The following CLASP1 variants were observed in gnomAD, a reference collection of about 807,000 sequenced individuals.
CLASP1 encodes cytoplasmic linker associated protein 1.
CLASP1 carries 38 observed loss-of-function variants against 192.3 expected under a neutral mutation model. That is an observed-to-expected ratio of 0.20 (90% CI 0.15 to 0.26). CLASP1 has a LOEUF of 0.26. Among genes scored for constraint, CLASP1 ranks in the 10% least tolerant of loss-of-function variants. The pLI, the probability that CLASP1 is intolerant of heterozygous loss-of-function variation, is 1.00. For missense variants in CLASP1, 1,433 were observed against 1,932.5 expected (o/e 0.74, Z 4.85); for synonymous variants, 691 against 712.8 (o/e 0.97, Z 0.49).
chr2:121,421,309 G>A (rs2079462783), intron 22 of CLASP1, among the ~76,000 whole-genome samples: 1 of 152,168 alleles, frequency 6.6e-6, no homozygotes, highest in Non-Finnish European at 1.5e-5. Flanking sequence ...GGGCTGGAGA[G>A]CAATGGTGTG....
intron 1 of CLASP1, among the ~76,000 whole-genome samples, chr2:121,631,636 C>G (rs1423267140): frequency 6.6e-6 from 1 of 151,932 alleles, no homozygotes; most frequent in Non-Finnish European, 1.5e-5. Context: ...GCAGGCCAGG[C>G]ACAGTGGCTC....
chr2:121,527,917 A>C, intron 4 of CLASP1, 27 bp from the exon 5 acceptor site: 1 of 1,579,810 alleles, frequency 6.3e-7, no homozygotes, highest in Non-Finnish European at 8.7e-7. Context: ...ACAGGTGAGG[A>C]AAGGAGAAGA....
At chr2:121,551,982 T>C (rs2058088079) in intron 2 of CLASP1, among the ~76,000 whole-genome samples, 1 of 152,062 alleles carries the variant, frequency 6.6e-6, no homozygotes, top group Non-Finnish European at 1.5e-5. Flanking sequence ...ATGCTACTCA[T>C]ACAAAAACAG....
chr2:121,605,664 A>T (rs1182229157), intron 2 of CLASP1, 37 bp downstream of exon 2: 2 of 1,558,454 alleles, frequency 1.3e-6, no homozygotes, highest in South Asian at 1.1e-5. Flanking sequence ...AGTGCAGCCC[A>T]GCCACCTCCA....
intron 27 of CLASP1, 74 bp downstream of exon 28, chr2:121,401,794 G>T: frequency 1.2e-6 from 1 of 825,494 alleles, no homozygotes. Flanking sequence ...GGTTAACACT[G>T]TTAACAACTG....
At chr2:121,433,325 GAA>G (rs1312953084) in intron 19 of CLASP1, among the ~76,000 whole-genome samples, 5 of 93,664 alleles carry the variant, frequency 5.3e-5, no homozygotes, top group Admixed American at 1.1e-4. Flanking sequence ...GTCTAAAAAA[GAA>G]AAAAAAAAAA....
chr2:121,533,918 ATCT>A (rs2094967139), intron 2 of CLASP1, among the ~76,000 whole-genome samples: 1 of 152,220 alleles, frequency 6.6e-6, no homozygotes, highest in Admixed American at 6.5e-5. Context: ...GGTCCAACAC[ATCT>A]TCTTTATCCT....
At chr2:121,588,311 T>A (rs1308637505) in intron 2 of CLASP1, among the ~76,000 whole-genome samples, 1 of 151,394 alleles carries the variant, frequency 6.6e-6, no homozygotes, top group Non-Finnish European at 1.5e-5. Flanking sequence ...CAGAATATAA[T>A]CCCTTATACA....
chr2:121,514,965 G>A lies in CLASP1; in HGVS notation c.644+700C>T, dbSNP rs576067441. On this transcript the variant is annotated intron_variant, in intron 7 of 39. Coordinates refer to ENST00000263710, the Ensembl canonical transcript of CLASP1. ...GACAGGCTCAGATAAGCTGCCCTGT[G>A]AGTCCACTCCAGTTCTATCTGGAAT... is the stretch of plus-strand genomic sequence containing the variant. 2.0e-3 allele frequency among the ~76,000 whole-genome samples: 311 copies of A among 152,250 alleles called. 1 individual carries two copies. The highest frequency in any genetic ancestry group is 7.2e-3 in the African/African-American group (298 of 41,540).
intron 7 of CLASP1, among the ~76,000 whole-genome samples, chr2:121,513,840 C>T (rs2094210579): frequency 6.6e-6 from 1 of 152,194 alleles, no homozygotes; most frequent in South Asian, 2.1e-4. Flanking sequence ...GACTCAGTGC[C>T]CTGGGTTTTT....
At chr2:121,595,868 T>A (rs1018487054) in intron 2 of CLASP1, among the ~76,000 whole-genome samples, 2 of 152,218 alleles carry the variant, frequency 1.3e-5, no homozygotes, top group African/African-American at 4.8e-5. Context: ...GTCAACTTCC[T>A]TTTACTGACC....
intron 2 of CLASP1, among the ~76,000 whole-genome samples, chr2:121,563,262 G>C (rs968494881): frequency 6.6e-6 from 1 of 152,150 alleles, no homozygotes. Context: ...ATATTATGCT[G>C]AACAGGCTGT....
At chr2:121,570,558 C>T (rs1297310860) in intron 2 of CLASP1, among the ~76,000 whole-genome samples, 2 of 152,240 alleles carry the variant, frequency 1.3e-5, no homozygotes, top group East Asian at 1.9e-4. Flanking sequence ...CATGCATCCT[C>T]TCTCACAGCA....
Position 121,467,043 on chromosome 2 carries a change from C to T in CLASP1, c.865+2765G>A, listed in dbSNP as rs565814197. Among the ~76,000 whole-genome samples the T allele has an allele frequency of 7.9e-5, 12 of 152,344 alleles. No individual in the cohort carries two copies. The East Asian group carries it at 2.3e-3, about 29-fold the overall frequency. On this transcript the variant is annotated intron_variant, in intron 9 of 39. Transcript: ENST00000263710. The stretch of plus-strand genomic sequence containing the variant: ...GTGTCCATGTGTTCTCATCATTCAG[C>T]TCCCACTTATAAGTGAGAACATGTA...
chr2:121,562,885 T>C (rs1214749260), intron 2 of CLASP1, among the ~76,000 whole-genome samples: 1 of 152,238 alleles, frequency 6.6e-6, no homozygotes, highest in African/African-American at 2.4e-5. Context: ...TTGTTCTAAA[T>C]TATTTTTCAT....
intron 8 of CLASP1, among the ~76,000 whole-genome samples, chr2:121,486,826 G>C (rs1010286926): frequency 6.6e-6 from 1 of 152,134 alleles, no homozygotes; most frequent in Non-Finnish European, 1.5e-5. Flanking sequence ...TAGCTAGAGA[G>C]GCAAATACCA....
chr2:121,340,584 G>T, exon 40 of CLASP1: 1 of 333,844 alleles, frequency 3.0e-6, no homozygotes. Flanking sequence ...ACAGGGTTTC[G>T]CCATCTCAGC....
At chr2:121,403,233 G>T (rs529649892) in intron 26 of CLASP1, among the ~76,000 whole-genome samples, 5 of 152,126 alleles carry the variant, frequency 3.3e-5, no homozygotes, top group Admixed American at 1.3e-4. Flanking sequence ...GAGCTGTTGT[G>T]GGGGGAGGGG....
intron 2 of CLASP1, among the ~76,000 whole-genome samples, chr2:121,561,373 CT>C (rs1559617606): frequency 6.6e-6 from 1 of 152,146 alleles, no homozygotes; most frequent in East Asian, 1.9e-4. Flanking sequence ...TATCTTAAAG[CT>C]TTCTTTTCTC....
Sources: allele counts gnomAD v4.1 joint callset (sites outside exome capture counted in the v4.1 genomes callset), GRCh38; gene constraint gnomAD v4.1.1; transcripts MANE v1.5; gene names NCBI Gene and HGNC (gene_info 2026-07-23, HGNC 2026-07-21).